The following DLGAP1 variants were observed in gnomAD, a reference collection of about 807,000 sequenced individuals.
DLGAP1 encodes DLG associated protein 1.
Under a neutral mutation model 90.8 loss-of-function variants are expected in DLGAP1, and 11 were observed. That is an observed-to-expected ratio of 0.12 (90% CI 0.08 to 0.20). The LOEUF (loss-of-function observed/expected upper bound fraction) is 0.20, where lower values mean the gene tolerates loss of function less well. DLGAP1 is among the 10% of genes least tolerant of loss of function. The probability of loss-of-function intolerance (pLI) is 1.00; values close to 1 mark genes in which losing one functional copy is unlikely to be tolerated. For synonymous variants in DLGAP1, 558 were observed against 540.7 expected, an observed-to-expected ratio of 1.03 and a Z score of -0.44; for missense variants, 1,050 against 1,333.8, an observed-to-expected ratio of 0.79 and a Z score of 3.31.
intron 1 of DLGAP1, among the ~76,000 whole-genome samples, chr18:4,414,029 T>C (rs1256870322): frequency 6.6e-6 from 1 of 152,224 alleles, no homozygotes; most frequent in African/African-American, 2.4e-5. Flanking sequence ...ACAGGCTGCA[T>C]TCAATGCCAG....
At chr18:4,289,112 G>A (rs1275161722) in intron 1 of DLGAP1, among the ~76,000 whole-genome samples, 1 of 152,136 alleles carries the variant, frequency 6.6e-6, no homozygotes, top group Non-Finnish European at 1.5e-5. Flanking sequence ...GCCCTGTTCT[G>A]ACCTATTTCA....
chr18:4,175,353 C>T (rs1408497114), intron 1 of DLGAP1, among the ~76,000 whole-genome samples: 2 of 151,962 alleles, frequency 1.3e-5, no homozygotes, highest in East Asian at 3.9e-4. Context: ...AAAATTTTCT[C>T]CCATTCTGTA....
intron 2 of DLGAP1, among the ~76,000 whole-genome samples, chr18:4,102,017 A>C (rs1432227051): frequency 2.0e-5 from 3 of 152,144 alleles, no homozygotes; most frequent in African/African-American, 4.8e-5. Flanking sequence ...TATATATTAA[A>C]GCATTAAAGC....
intron 3 of DLGAP1, among the ~76,000 whole-genome samples, chr18:3,987,677 A>G (rs558996727): frequency 6.6e-6 from 1 of 152,322 alleles, no homozygotes; most frequent in South Asian, 2.1e-4. Flanking sequence ...ATTTATTCAA[A>G]GCTAACATTC....
Position 4,152,391 on chromosome 18 carries a change from C to A in DLGAP1, c.-266-1104G>T, listed in dbSNP as rs557086986. 5.3e-5 allele frequency among the ~76,000 whole-genome samples: 8 copies of A among 152,044 alleles called. No homozygotes were observed. In the South Asian group the frequency reaches 1.7e-3, roughly 31 times the overall value. The stretch of plus-strand genomic sequence containing the variant: ...TTAAATGAGTGTGGAATTCATTTTA[C>A]AGAAGAGGAAGTAGATGTCAGAGGA... On this transcript the variant is annotated intron_variant, in intron 1 of 12. Coordinates refer to ENST00000315677, the MANE Select transcript of DLGAP1 (RefSeq NM_004746.4).
At chr18:4,265,550 C>CT (rs1300034489) in intron 1 of DLGAP1, among the ~76,000 whole-genome samples, 1 of 141,254 alleles carries the variant, frequency 7.1e-6, no homozygotes, top group Non-Finnish European at 1.5e-5. Context: ...CCTCCCCTTC[C>CT]TTCCTTCCTT....
intron 2 of DLGAP1, among the ~76,000 whole-genome samples, chr18:4,017,300 G>T (rs1343944867): frequency 6.6e-6 from 1 of 152,092 alleles, no homozygotes; most frequent in Non-Finnish European, 1.5e-5. Flanking sequence ...GTTCACTCGT[G>T]TACACCAAGG....
chr18:3,884,133 A>C (rs1047583118), intron 3 of DLGAP1, among the ~76,000 whole-genome samples: 2 of 152,234 alleles, frequency 1.3e-5, no homozygotes, highest in Non-Finnish European at 2.9e-5. Context: ...TTATGGTCCT[A>C]AAAGTAGGCT....
At chr18:3,521,470 G>T (rs557808504) in intron 10 of DLGAP1, among the ~76,000 whole-genome samples, 1 of 152,194 alleles carries the variant, frequency 6.6e-6, no homozygotes, top group South Asian at 2.1e-4. Flanking sequence ...AATCCCCCAA[G>T]GTCTTTCTCT....
chr18:3,843,010 C>T (rs1271815501), intron 4 of DLGAP1, among the ~76,000 whole-genome samples: 2 of 152,154 alleles, frequency 1.3e-5, no homozygotes, highest in Admixed American at 1.3e-4. Flanking sequence ...TCTGTCAGGC[C>T]TTTTTGCAAT....
chr18:3,757,191 C>T (rs967013315), intron 5 of DLGAP1, among the ~76,000 whole-genome samples: 2 of 152,034 alleles, frequency 1.3e-5, no homozygotes, highest in African/African-American at 2.4e-5. Context: ...AGGCAGATCA[C>T]GAGGTCAGGA....
intron 1 of DLGAP1, among the ~76,000 whole-genome samples, chr18:4,174,397 C>T (rs529929949): frequency 5.9e-5 from 9 of 152,040 alleles, no homozygotes; most frequent in South Asian, 4.2e-4. Context: ...TGCAGTGGCA[C>T]GATCTCGGCT....
At chr18:4,272,702 C>T (rs78331267) in intron 1 of DLGAP1, among the ~76,000 whole-genome samples, 2,442 of 152,268 alleles carry the variant, frequency 0.016, 64 homozygotes, top group African/African-American at 0.056. Context: ...AACTCTTCTA[C>T]GGGAAAGCGT....
intron 1 of DLGAP1, among the ~76,000 whole-genome samples, chr18:4,167,659 C>A (rs915221848): frequency 1.3e-5 from 2 of 152,130 alleles, no homozygotes; most frequent in Non-Finnish European, 2.9e-5. Context: ...TATAGAAGAG[C>A]TGAACAACAC....
intron 1 of DLGAP1, among the ~76,000 whole-genome samples, chr18:4,156,103 G>A (rs2076751319): frequency 6.6e-6 from 1 of 152,226 alleles, no homozygotes; most frequent in Non-Finnish European, 1.5e-5. Flanking sequence ...GCAACTGGAA[G>A]AGTGACCTCG....
At chr18:3,595,129 C>T (rs2056505567) in intron 7 of DLGAP1, among the ~76,000 whole-genome samples, 1 of 152,238 alleles carries the variant, frequency 6.6e-6, no homozygotes, top group African/African-American at 2.4e-5. Flanking sequence ...AGAGGAATAG[C>T]TACAGCTGGG....
intron 3 of DLGAP1, among the ~76,000 whole-genome samples, chr18:3,963,077 T>C (rs1042705231): frequency 2.0e-5 from 3 of 152,204 alleles, no homozygotes; most frequent in Non-Finnish European, 4.4e-5. Context: ...CTTGATCTCT[T>C]CTGTCTGCCT....
Position 3,526,167 on chromosome 18 carries a change from T to C in DLGAP1, c.2479+8027A>G, listed in dbSNP as rs933016526. Among the ~76,000 whole-genome samples, 5 of 152,090 alleles carry C rather than the reference T, an allele frequency of 3.3e-5. No homozygotes were observed. The highest frequency in any genetic ancestry group is 1.2e-4 in the African/African-American group (5 of 41,408). On this transcript the variant is annotated intron_variant, in intron 10 of 12. Transcript: ENST00000315677. This position sits in a 1 kb window ranked among gnomAD's most constrained non-coding sequence, Gnocchi z 4.7. ...CCTTTTGAGGGTTCATTGCAAGAGT[T>C]AGATGAGAATAAAACAGAAAGGAGC... is the stretch of plus-strand genomic sequence containing the variant.
intron 9 of DLGAP1, among the ~76,000 whole-genome samples, chr18:3,535,568 C>T (rs974136398): frequency 2.0e-5 from 3 of 151,614 alleles, no homozygotes; most frequent in East Asian, 2.0e-4. Flanking sequence ...ATTAGTCGGG[C>T]GTGGTGGTGG....
Sources: gnomAD v4.1 joint callset for allele counts (sites outside exome capture counted in the v4.1 genomes callset) on GRCh38, gnomAD v4.1.1 for gene constraint, Gnocchi (gnomAD v3.1) non-coding constraint, MANE v1.5 for transcripts, NCBI Gene and HGNC (gene_info 2026-07-23, HGNC 2026-07-21) for gene names.